The following MFHAS1 variants were observed in gnomAD, a reference collection of about 807,000 sequenced individuals.
MFHAS1 encodes multifunctional ROCO family signaling regulator 1, also known as malignant fibrous histiocytoma-amplified sequence 1.
A neutral mutation model predicts 70.4 loss-of-function variants in MFHAS1; 50 were observed. The observed-to-expected ratio is 0.71, with a 90% confidence interval of 0.57 to 0.90. MFHAS1 has a LOEUF of 0.90. Ranked by LOEUF, MFHAS1 falls within the 40% of genes least tolerant of loss-of-function variation. The pLI, the probability that MFHAS1 is intolerant of heterozygous loss-of-function variation, is 0.00. For missense variants in MFHAS1, 1,795 were observed against 1,347.6 expected (o/e 1.33, Z -5.20); for synonymous variants, 952 against 620.0 (o/e 1.54, Z -7.96).
chr8:8,797,876 T>G (rs10503391), intron 1 of MFHAS1, among the ~76,000 whole-genome samples: 16,882 of 152,114 alleles, frequency 0.11, 1,223 homozygotes, highest in African/African-American at 0.2. Flanking sequence ...GTGTTCATAA[T>G]TAGGATTTGG....
intron 1 of MFHAS1, among the ~76,000 whole-genome samples, chr8:8,842,775 C>G (rs1243930484): frequency 1.3e-5 from 2 of 152,134 alleles, no homozygotes; most frequent in African/African-American, 4.8e-5. Context: ...TCCTAGTAAC[C>G]CATGCACCAT....
At chr8:8,863,043 C>G (rs527788341) in intron 1 of MFHAS1, among the ~76,000 whole-genome samples, 1 of 152,302 alleles carries the variant, frequency 6.6e-6, no homozygotes, top group South Asian at 2.1e-4. Flanking sequence ...AGGAATGACT[C>G]AAGGTTCATT....
rs540406941 is a variant in MFHAS1, at chr8:8,793,527, T to C, written c.3125+3838A>G. 2.0e-5 allele frequency among the ~76,000 whole-genome samples: 3 copies of C among 152,340 alleles called. No individual in the cohort carries two copies. In the South Asian group the frequency reaches 6.2e-4, roughly 32 times the overall value. ...CCTAGGGTAATTATTCTGGTCTACC[T>C]GGGAGCTTTCTCTAGGGCACCCATC... On this transcript the variant is annotated intron_variant, in intron 2 of 2. Coordinates refer to ENST00000276282, the MANE Select transcript of MFHAS1 (RefSeq NM_004225.3).
At chr8:8,833,818 G>A (rs1807498471) in intron 1 of MFHAS1, among the ~76,000 whole-genome samples, 1 of 152,090 alleles carries the variant, frequency 6.6e-6, no homozygotes, top group Admixed American at 6.5e-5. Context: ...TCAAATGAAT[G>A]AACATACTGC....
In MFHAS1 at chr8:8,893,238, G is replaced by A. The variant is rs575809107; in HGVS notation, c.-180C>T. On this transcript the variant is annotated 5_prime_UTR_variant, in exon 1 of 3. Transcript: ENST00000276282. ...GGCGGCTAGGGGGCGGCGGCGACGC[G>A]AGCGGCTCCGGGGGACGCCGAGCGC... 2 of 171,528 alleles carry A rather than the reference G, an allele frequency of 1.2e-5. No individual in the cohort carries two copies. Among genetic ancestry groups the A allele is most frequent in the South Asian group, 2.0e-4 (1 of 5,050 alleles). 10.6% of individuals were successfully genotyped at this position (171,528 alleles called of 1,614,324 possible).
At chr8:8,882,469 G>A (rs144329380) in intron 1 of MFHAS1, among the ~76,000 whole-genome samples, 20 of 152,076 alleles carry the variant, frequency 1.3e-4, no homozygotes, top group East Asian at 3.9e-4. Context: ...AGAAATAGCC[G>A]TGCGTGGTGG....
intron 1 of MFHAS1, among the ~76,000 whole-genome samples, chr8:8,803,983 C>A (rs141368562): frequency 1.3e-5 from 2 of 152,050 alleles, no homozygotes; most frequent in Non-Finnish European, 2.9e-5. Context: ...GAAAACTAAA[C>A]TAAAATAAAA....
At chr8:8,877,925 C>T (rs974898419) in intron 1 of MFHAS1, among the ~76,000 whole-genome samples, 2 of 152,220 alleles carry the variant, frequency 1.3e-5, no homozygotes, top group African/African-American at 4.8e-5. Context: ...TGTGCCCACA[C>T]ATGCCCACCC....
At position 8,849,064 on chromosome 8, in the gene MFHAS1, CTTTTTTTTTTTTT is replaced by C. The variant is rs145250762; in HGVS notation, c.2998+40984_2998+40996del. 8.6e-3 allele frequency among the ~76,000 whole-genome samples: 649 copies of C among 75,810 alleles called. 7 individuals carry two copies. The highest frequency in any genetic ancestry group is 0.026 in the African/African-American group (543 of 20,934). 49.7% of individuals were successfully genotyped at this position (75,810 alleles called of 152,430 possible). A position where few individuals can be genotyped will look rare whatever the true frequency, so the allele number is the denominator to read the frequency against. On this transcript the variant is annotated intron_variant, in intron 1 of 2. Coordinates refer to ENST00000276282, the MANE Select transcript of MFHAS1 (RefSeq NM_004225.3). ...TCTGCAGCAATTAATTCCTTTTTAC[CTTTTTTTTTTTTT>C]TTTTTTTTTTTTTTTTTTGGAGACA...
In MFHAS1 at chr8:8,783,835, T is replaced by C. The variant is rs1805443656; in HGVS notation, c.*2187A>G. ...TGAAGAGTCCTGTAGAGCAGAGTGA[T>C]TTTTGTATCTCCAACCCTCCTCCCA... On this transcript the variant is annotated 3_prime_UTR_variant, in exon 3 of 3. Coordinates refer to ENST00000276282, the MANE Select transcript of MFHAS1 (RefSeq NM_004225.3). The C allele has an allele frequency of 6.6e-6, 1 of 152,142 alleles. No homozygotes were observed. Among genetic ancestry groups the C allele is most frequent in the Non-Finnish European group, 1.5e-5 (1 of 68,030 alleles). 9.4% of individuals were successfully genotyped at this position (152,142 alleles called of 1,614,324 possible).
chr8:8,863,937 C>T (rs1808760884), intron 1 of MFHAS1, among the ~76,000 whole-genome samples: 1 of 152,212 alleles, frequency 6.6e-6, no homozygotes, highest in South Asian at 2.1e-4. Context: ...GACAAGGAGA[C>T]ACCAGACCCT....
chr8:8,862,838 C>T (rs1019940717), intron 1 of MFHAS1, among the ~76,000 whole-genome samples: 1 of 152,138 alleles, frequency 6.6e-6, no homozygotes, highest in Non-Finnish European at 1.5e-5. Flanking sequence ...AACAGATGGG[C>T]AATCTCATGC....
intron 1 of MFHAS1, among the ~76,000 whole-genome samples, chr8:8,805,643 G>C (rs13278266): frequency 6.6e-6 from 1 of 152,142 alleles, no homozygotes; most frequent in African/African-American, 2.4e-5. Context: ...GTGTGTTCAA[G>C]GGTCAACTGC....
intron 1 of MFHAS1, among the ~76,000 whole-genome samples, chr8:8,856,523 T>C (rs930977457): frequency 2.0e-5 from 3 of 152,220 alleles, no homozygotes; most frequent in African/African-American, 7.2e-5. Flanking sequence ...AGGTGAGGCT[T>C]TGGGATCCAC....
intron 1 of MFHAS1, among the ~76,000 whole-genome samples, chr8:8,839,841 T>C (rs1054372936): frequency 1.3e-5 from 2 of 152,160 alleles, no homozygotes; most frequent in African/African-American, 2.4e-5. Flanking sequence ...TCATTTCACA[T>C]AGTATTACAG....
At chr8:8,867,621 A>T (rs1254956512) in intron 1 of MFHAS1, among the ~76,000 whole-genome samples, 4 of 151,346 alleles carry the variant, frequency 2.6e-5, no homozygotes, top group Non-Finnish European at 5.9e-5. Flanking sequence ...GCAGTGGCGC[A>T]ATCTCGGCTC....
intron 1 of MFHAS1, among the ~76,000 whole-genome samples, chr8:8,811,528 T>G (rs1223546998): frequency 6.6e-6 from 1 of 152,218 alleles, no homozygotes; most frequent in African/African-American, 2.4e-5. Context: ...TCCTCCCACT[T>G]CAGCCTCCTA....
At chr8:8,830,658 A>C (rs918858863) in intron 1 of MFHAS1, among the ~76,000 whole-genome samples, 1 of 152,200 alleles carries the variant, frequency 6.6e-6, no homozygotes, top group South Asian at 2.1e-4. Flanking sequence ...GCTGCAGTGC[A>C]GTGGTGTGAT....
chr8:8,844,659 T>C (rs1306761844), intron 1 of MFHAS1, among the ~76,000 whole-genome samples: 1 of 152,222 alleles, frequency 6.6e-6, no homozygotes, highest in Non-Finnish European at 1.5e-5. Context: ...CCATCTCTCA[T>C]GCACCACCCA....
Sources: gnomAD v4.1 joint callset for allele counts (sites outside exome capture counted in the v4.1 genomes callset) on GRCh38, gnomAD v4.1.1 for gene constraint, MANE v1.5 for transcripts, NCBI Gene and HGNC (gene_info 2026-07-23, HGNC 2026-07-21) for gene names.